PDE1B: variants seen among roughly 807,000 people sequenced by gnomAD.
The protein encoded by PDE1B is dual specificity calcium/calmodulin-dependent 3',5'-cyclic nucleotide phosphodiesterase 1B.
In PDE1B, 13 loss-of-function variants were observed where a neutral mutation model predicts 66.7. The observed-to-expected ratio is 0.19, with a 90% CI of 0.13 to 0.31. The LOEUF is 0.31. PDE1B is among the 10% of genes least tolerant of loss of function. The probability of loss-of-function intolerance (pLI) is 1.00; values close to 1 mark genes in which losing one functional copy is unlikely to be tolerated. For synonymous variants in PDE1B, 230 were observed against 253.9 expected (o/e 0.91, Z 0.90); for missense variants, 485 against 682.3 (o/e 0.71, Z 3.22).
At chr12:54,571,878 C>G (rs1187934529) in intron 6 of PDE1B, 2 of 152,292 alleles carry the variant, frequency 1.3e-5, no homozygotes, top group Non-Finnish European at 2.9e-5. Context: ...TTGCTCATCT[C>G]TACAGAAACC....
chr12:54,565,518 A>T (rs1419695709), intron 2 of PDE1B, among the ~76,000 whole-genome samples: 1 of 152,174 alleles, frequency 6.6e-6, no homozygotes, highest in Non-Finnish European at 1.5e-5. Context: ...ATGAAGCTGG[A>T]GCTGGGGCTG....
chr12:54,561,574 C>G, intron 2 of PDE1B: 1 of 1,521,272 alleles, frequency 6.6e-7, no homozygotes, highest in Non-Finnish European at 8.8e-7. Context: ...AAGCAGGAAA[C>G]TTTGATTCCC....
chr12:54,575,534 CCT>C lies in PDE1B; in HGVS notation c.1186-16_1186-15del. 6.3e-7 allele frequency: 1 copy of C among 1,591,644 alleles called. No homozygotes were observed. ...GAGGTATCCTCTCCAGCTTTCCTAC[CCT>C]GTTCCCTCCTCTAGGGTGACAAGGA... On this transcript the variant is annotated splice_polypyrimidine_tract_variant and intron_variant, in intron 11 of 15. Coordinates refer to ENST00000243052, the MANE Select transcript of PDE1B (RefSeq NM_000924.4). The surrounding 1 kb of genome is among the most constrained non-coding windows in gnomAD (Gnocchi z 4.0).
intron 6 of PDE1B, 89 bp from the exon 7 acceptor site, chr12:54,572,512 C>A: frequency 7.8e-7 from 1 of 1,277,164 alleles, no homozygotes; most frequent in Non-Finnish European, 1.1e-6. Flanking sequence ...GCCACACTGC[C>A]TTCTAAAGAA....
Position 54,567,010 on chromosome 12 carries a change from G to A in PDE1B, c.150G>A (p.Glu50=). Residue 50 remains glutamate (E), a synonymous_variant, in exon 3 of 16, where the codon GAG becomes GAA. Transcript: ENST00000243052. The part of the protein sequence containing the change: ...RYMVKQLENG[E]INIEELKKNL... ...TGGTGAAGCAGTTGGAGAATGGGGA[G>A]ATAAACATTGAGGAGCTGAAGAAAA... 6.2e-7 allele frequency: 1 copy of A among 1,612,644 alleles called. No individual in the cohort carries two copies. Among genetic ancestry groups the A allele is most frequent in the Non-Finnish European group, 8.5e-7 (1 of 1,179,104 alleles).
chr12:54,567,622 C>G (rs946158048), intron 3 of PDE1B, among the ~76,000 whole-genome samples: 2 of 151,916 alleles, frequency 1.3e-5, no homozygotes, highest in African/African-American at 4.8e-5. Flanking sequence ...GAGATAGAGA[C>G]AAACACAGAT....
At position 54,575,369 on chromosome 12, in the gene PDE1B, A is replaced by T. The variant is rs1441929321; in HGVS notation, c.1185+151A>T. The T allele has an allele frequency of 1.3e-6, 1 of 795,642 alleles. No homozygotes were observed. Among genetic ancestry groups the T allele is most frequent in the Non-Finnish European group, 2.1e-6 (1 of 465,186 alleles). 49.3% of individuals were successfully genotyped at this position (795,642 alleles called of 1,614,324 possible). A position where few individuals can be genotyped will look rare whatever the true frequency, so the allele number is the denominator to read the frequency against. Reference sequence around the variant, plus strand: ...CCTTGGGGTAAAACCCCATTATCCTAAAAGCCTAACAATAGTTGCATTTCA... The same window carrying T: ...CCTTGGGGTAAAACCCCATTATCCTTAAAGCCTAACAATAGTTGCATTTCA... On this transcript the variant is annotated intron_variant, in intron 11 of 15. Coordinates refer to ENST00000243052, the MANE Select transcript of PDE1B (RefSeq NM_000924.4). This position sits in a 1 kb window ranked among gnomAD's most constrained non-coding sequence, Gnocchi z 4.0.
chr12:54,561,464 C>T (rs1957409083), intron 2 of PDE1B: 1 of 1,298,196 alleles, frequency 7.7e-7, no homozygotes, highest in Admixed American at 3.6e-5. Context: ...GTCAGTTGCT[C>T]AGTTCTACTG....
intron 10 of PDE1B, chr12:54,574,383 T>G: frequency 6.5e-6 from 1 of 152,848 alleles, no homozygotes; most frequent in Non-Finnish European, 1.5e-5. Flanking sequence ...GCACTTATTA[T>G]GTGCTAGACA....
chr12:54,563,252 A>G (rs1447653998), intron 2 of PDE1B, among the ~76,000 whole-genome samples: 3 of 152,358 alleles, frequency 2.0e-5, no homozygotes, highest in Non-Finnish European at 2.9e-5. Flanking sequence ...TGCAGAAGCT[A>G]TGGTGGAATG....
intron 2 of PDE1B, chr12:54,554,407 G>A (rs957893735): frequency 6.6e-6 from 1 of 152,182 alleles, no homozygotes; most frequent in Non-Finnish European, 1.5e-5. Flanking sequence ...GCTATCCTCA[G>A]CAGATTAGTC....
Position 54,569,463 on chromosome 12 carries a change from TG to T in PDE1B, c.411-81del. On this transcript the variant is annotated intron_variant, in intron 4 of 15. Coordinates refer to ENST00000243052, the MANE Select transcript of PDE1B (RefSeq NM_000924.4). This position sits in a 1 kb window ranked among gnomAD's most constrained non-coding sequence, Gnocchi z 4.4. ...CATGACCACCAGCCATATGATCCCA[TG>T]GCTCATCCCCACATCCCCAGCTGGC... 2.5e-6 allele frequency: 4 copies of T among 1,585,816 alleles called. No homozygotes were observed. The highest frequency in any genetic ancestry group is 3.5e-6 in the Non-Finnish European group (4 of 1,156,384).
chr12:54,570,317 T>C lies in PDE1B; in HGVS notation c.554T>C (p.Phe185Ser). The C allele has an allele frequency of 6.2e-7, 1 of 1,613,642 alleles. No homozygotes were observed. The highest frequency in any genetic ancestry group is 8.5e-7 in the Non-Finnish European group (1 of 1,179,588). Residue 185 changes from phenylalanine to serine, a missense_variant, in exon 6 of 16, where the codon TTT (phenylalanine) becomes TCT (serine). Phe to Ser is a radical substitution (Grantham distance 155). This residue lies in a region of PDE1B where 282 missense variants were observed against 453.4 expected (regional missense o/e 0.62). Transcript: ENST00000243052. ...ADDHALRTIV[F>S]ELLTRHNLIS... Reference sequence around the variant, plus strand: ...GACCATGCCCTGAGGACCATTGTTTTTGAGTTGCTGACTCGGCATAACCTC... The same window carrying C: ...GACCATGCCCTGAGGACCATTGTTTCTGAGTTGCTGACTCGGCATAACCTC...
At position 54,575,847 on chromosome 12, in the gene PDE1B, C is replaced by T. The variant is rs1027441778; in HGVS notation, c.1268-145C>T. 1.4e-5 allele frequency: 11 copies of T among 758,760 alleles called. No individual in the cohort carries two copies. Among genetic ancestry groups the T allele is most frequent in the Non-Finnish European group, 2.3e-5 (10 of 432,576 alleles). 47.0% of individuals were successfully genotyped at this position (758,760 alleles called of 1,614,324 possible). On this transcript the variant is annotated intron_variant, in intron 12 of 15. Coordinates refer to ENST00000243052, the MANE Select transcript of PDE1B (RefSeq NM_000924.4). This position sits in a 1 kb window ranked among gnomAD's most constrained non-coding sequence, Gnocchi z 4.0. ...ACCAAGACATCATCCCAAAGCCTGC[C>T]CTGCATTGGGAAGTTTTCAGCCCCA...
In PDE1B at chr12:54,575,971, G is replaced by A. The variant is rs959385361; in HGVS notation, c.1268-21G>A. The A allele has an allele frequency of 7.3e-6, 11 of 1,508,310 alleles. No homozygotes were observed. Among genetic ancestry groups the A allele is most frequent in the Admixed American group, 1.7e-5 (1 of 59,854 alleles). 93.4% of individuals were successfully genotyped at this position (1,508,310 alleles called of 1,614,324 possible). ...CCAGATAATAGTAAGACATCTCTAC[G>A]GCATTGCTCCTCCACTGCAGGGTTC... On this transcript the variant is annotated intron_variant, in intron 12 of 15. Transcript: ENST00000243052. This position sits in a 1 kb window ranked among gnomAD's most constrained non-coding sequence, Gnocchi z 4.0.
intron 3 of PDE1B, among the ~76,000 whole-genome samples, chr12:54,567,529 A>T (rs1025098499): frequency 1.7e-4 from 18 of 106,684 alleles, no homozygotes; most frequent in Non-Finnish European, 1.9e-4. Context: ...ATAAATAAAT[A>T]AAAAAAATAA....
intron 2 of PDE1B, among the ~76,000 whole-genome samples, chr12:54,562,624 G>A (rs192769535): frequency 1.9e-3 from 296 of 152,328 alleles, no homozygotes; most frequent in Non-Finnish European, 3.5e-3. Flanking sequence ...ACAGTGAGGT[G>A]AGGACTTTGA....
chr12:54,561,526 G>A, intron 2 of PDE1B: 1 of 1,452,720 alleles, frequency 6.9e-7, no homozygotes, highest in South Asian at 1.3e-5. Context: ...CCCTCTTGGG[G>A]GCCCTGGGGC....
Position 54,575,521 on chromosome 12 carries a change from C to T in PDE1B, c.1186-30C>T, listed in dbSNP as rs780160511. On this transcript the variant is annotated intron_variant, in intron 11 of 15. Coordinates refer to ENST00000243052, the MANE Select transcript of PDE1B (RefSeq NM_000924.4). The surrounding 1 kb of genome is among the most constrained non-coding windows in gnomAD (Gnocchi z 4.0). Reference sequence around the variant, plus strand: ...ATCTGGTAGGTCTGAGGTATCCTCTCCAGCTTTCCTACCCTGTTCCCTCCT... The same window carrying T: ...ATCTGGTAGGTCTGAGGTATCCTCTTCAGCTTTCCTACCCTGTTCCCTCCT... The T allele has an allele frequency of 3.3e-6, 5 of 1,532,586 alleles. 1 individual carries two copies. In the South Asian group the frequency reaches 3.4e-5, roughly 10 times the overall value. The allele number at this position is 1,532,586 out of a possible 1,614,324, so 94.9% of individuals were successfully genotyped here. A position where few individuals can be genotyped will look rare whatever the true frequency, so the allele number is the denominator to read the frequency against.
Sources: allele counts gnomAD v4.1 joint callset (sites outside exome capture counted in the v4.1 genomes callset), GRCh38; gene constraint gnomAD v4.1.1; regional missense constraint gnomAD v4.1.1; non-coding constraint Gnocchi (gnomAD v3.1); transcripts MANE v1.5; gene names NCBI Gene and HGNC (gene_info 2026-07-23, HGNC 2026-07-21).